The following FRMPD1 variants were observed in gnomAD, a reference collection of about 807,000 sequenced individuals.
FRMPD1 encodes FERM and PDZ domain containing 1, also known as FERM and PDZ domain-containing protein 1.
Under a neutral mutation model 117.8 loss-of-function variants are expected in FRMPD1, and 76 were observed. The ratio of observed to expected loss-of-function variants is 0.65; its 90% confidence interval spans 0.54 to 0.78. FRMPD1 has a LOEUF of 0.78. Ranked by LOEUF, FRMPD1 falls within the 30% of genes least tolerant of loss-of-function variation. The probability of loss-of-function intolerance (pLI) is 0.00; values close to 1 mark genes in which losing one functional copy is unlikely to be tolerated. For missense variants in FRMPD1, 1,786 were observed against 1,964.5 expected (o/e 0.91, Z 1.72); for synonymous variants, 783 against 770.4 (o/e 1.02, Z -0.27).
intron 1 of FRMPD1, among the ~76,000 whole-genome samples, chr9:37,661,127 C>G (rs1820990879): frequency 6.6e-6 from 1 of 152,186 alleles, no homozygotes; most frequent in African/African-American, 2.4e-5. Context: ...GACCTAATGT[C>G]CAGCCCCTGG....
At chr9:37,679,903 A>C (rs1459426747) in intron 1 of FRMPD1, among the ~76,000 whole-genome samples, 1 of 152,240 alleles carries the variant, frequency 6.6e-6, no homozygotes, top group South Asian at 2.1e-4. Context: ...GAGGGTAAGC[A>C]GTAAGACAGA....
At chr9:37,646,802 A>T (rs1824148231), upstream of FRMPD1, among the ~76,000 whole-genome samples, 1 of 152,208 alleles carries the variant, frequency 6.6e-6, no homozygotes, top group African/African-American at 2.4e-5. Flanking sequence ...AGAGTTAGGC[A>T]TTCTAAGAAG....
chr9:37,649,899 C>T (rs1820614334), upstream of FRMPD1, among the ~76,000 whole-genome samples: 1 of 152,134 alleles, frequency 6.6e-6, no homozygotes, highest in Non-Finnish European at 1.5e-5. Flanking sequence ...TTCCTGTGGT[C>T]TCAACCTGAA....
chr9:37,676,966 C>T (rs1821551479), intron 1 of FRMPD1, among the ~76,000 whole-genome samples: 1 of 152,190 alleles, frequency 6.6e-6, no homozygotes, highest in Non-Finnish European at 1.5e-5. Flanking sequence ...TCTCCTCTAC[C>T]ACACTCAGCA....
intron 1 of FRMPD1, among the ~76,000 whole-genome samples, chr9:37,651,700 G>A (rs916633607): frequency 6.6e-6 from 1 of 152,196 alleles, no homozygotes; most frequent in African/African-American, 2.4e-5. Flanking sequence ...ATGCCCCTAG[G>A]GTTAGGAGTC....
At chr9:37,648,650 C>T (rs1820575529), upstream of FRMPD1, among the ~76,000 whole-genome samples, 1 of 152,034 alleles carries the variant, frequency 6.6e-6, no homozygotes, top group African/African-American at 2.4e-5. Context: ...GTTGATTGGA[C>T]TTAGTGTCCA....
chr9:37,640,264 G>A, the FRMPD1 span, among the ~76,000 whole-genome samples: 1 of 152,206 alleles, frequency 6.6e-6, no homozygotes, highest in African/African-American at 2.4e-5. Context: ...TGCCATTAAT[G>A]GCATACCCCT....
intron 1 of FRMPD1, among the ~76,000 whole-genome samples, chr9:37,655,826 C>T (rs1820826801): frequency 1.3e-5 from 2 of 152,090 alleles, no homozygotes; most frequent in African/African-American, 2.4e-5. Flanking sequence ...TCCCCCTAGC[C>T]TCAGGTCTCT....
chr9:37,607,617 G>C, the FRMPD1 span, among the ~76,000 whole-genome samples: 1 of 152,138 alleles, frequency 6.6e-6, no homozygotes, highest in African/African-American at 2.4e-5. Context: ...TTTTTGGATT[G>C]TTTGAACCAT....
intron 1 of FRMPD1, among the ~76,000 whole-genome samples, chr9:37,673,904 C>G (rs895025446): frequency 1.3e-5 from 2 of 152,228 alleles, no homozygotes; most frequent in African/African-American, 4.8e-5. Flanking sequence ...CCTATGAAAC[C>G]ACTTTTTCCT....
At chr9:37,645,030 C>G in the FRMPD1 span, among the ~76,000 whole-genome samples, 21 of 150,520 alleles carry the variant, frequency 1.4e-4, no homozygotes, top group African/African-American at 1.2e-4. Context: ...TAGGGCCACA[C>G]TTGATGCTGG....
At position 37,667,062 on chromosome 9, in the gene FRMPD1, C is replaced by CTTTTTTTTTTTTTTTTTTTTT. The variant is rs573955616; in HGVS notation, c.-5+15984_-5+15985insTTTTTTTTTTTTTTTTTTTTT. Among the ~76,000 whole-genome samples, 24 of 111,040 alleles carry CTTTTTTTTTTTTTTTTTTTTT rather than the reference C, an allele frequency of 2.2e-4. 3 individuals are homozygous for CTTTTTTTTTTTTTTTTTTTTT. The highest frequency in any genetic ancestry group is 8.3e-4 in the African/African-American group (21 of 25,316). 72.8% of individuals were successfully genotyped at this position (111,040 alleles called of 152,430 possible). ...GGAAAAGAGAGACAATTGAAGCATG[C>CTTTTTTTTTTTTTTTTTTTTT]TTTTTTTTTTTTTTTTCCTGAGACA... On this transcript the variant is annotated intron_variant, in intron 1 of 15. Transcript: ENST00000377765.
At chr9:37,642,992 T>C in the FRMPD1 span, among the ~76,000 whole-genome samples, 1 of 152,248 alleles carries the variant, frequency 6.6e-6, no homozygotes, top group East Asian at 1.9e-4. Context: ...TAAAGTATTT[T>C]TGAGTGTATC....
intron 3 of FRMPD1, among the ~76,000 whole-genome samples, chr9:37,708,011 T>G (rs1046788640): frequency 2.0e-5 from 3 of 152,168 alleles, no homozygotes; most frequent in Non-Finnish European, 4.4e-5. Context: ...GAAAGTCCAG[T>G]GCTTGTTTTC....
the FRMPD1 span, among the ~76,000 whole-genome samples, chr9:37,639,337 T>C: frequency 6.6e-6 from 1 of 152,126 alleles, no homozygotes; most frequent in South Asian, 2.1e-4. Context: ...CTGGAGCTAG[T>C]AGTTTGCACA....
intron 1 of FRMPD1, among the ~76,000 whole-genome samples, chr9:37,664,564 T>C (rs1203700326): frequency 6.6e-6 from 1 of 151,876 alleles, no homozygotes; most frequent in Non-Finnish European, 1.5e-5. Flanking sequence ...AGTGAGAACA[T>C]GCGGTGTTTG....
chr9:37,652,329 G>A (rs758514298), intron 1 of FRMPD1, among the ~76,000 whole-genome samples: 5 of 152,190 alleles, frequency 3.3e-5, no homozygotes, highest in African/African-American at 4.8e-5. Context: ...ATCTTTTCCA[G>A]GACTGGTGCA....
the FRMPD1 span, among the ~76,000 whole-genome samples, chr9:37,621,368 G>A: frequency 3.3e-5 from 5 of 152,170 alleles, no homozygotes; most frequent in African/African-American, 1.2e-4. Flanking sequence ...GTGGTTACGT[G>A]ACTCTTGCAC....
intron 7 of FRMPD1, 53 bp from the exon 8 acceptor site, chr9:37,729,675 G>GTTTCTTGC: frequency 6.3e-7 from 1 of 1,584,748 alleles, no homozygotes; most frequent in South Asian, 1.1e-5. Context: ...AGGAAGGCCA[G>GTTTCTTGC]GGAAGTCCTT....
Sources: allele counts gnomAD v4.1 joint callset (sites outside exome capture counted in the v4.1 genomes callset), GRCh38; gene constraint gnomAD v4.1.1; transcripts MANE v1.5; gene names NCBI Gene and HGNC (gene_info 2026-07-23, HGNC 2026-07-21).